CDKAL1: variants seen among roughly 807,000 people sequenced by gnomAD.
CDKAL1 encodes the protein CDKAL1 threonylcarbamoyladenosine tRNA methylthiotransferase.
A neutral mutation model predicts 68.2 loss-of-function variants in CDKAL1; 32 were observed. The observed-to-expected ratio is 0.47, with a 90% CI of 0.35 to 0.63. The LOEUF is 0.63. Ranked by LOEUF, CDKAL1 falls within the 30% of genes least tolerant of loss-of-function variation. CDKAL1 has a pLI of 0.00. For synonymous variants in CDKAL1, 234 were observed against 244.3 expected, an observed-to-expected ratio of 0.96 and a Z score of 0.39; for missense variants, 606 against 696.7, an observed-to-expected ratio of 0.87 and a Z score of 1.47.
chr6:21,072,600 T>G (rs1771847387), intron 12 of CDKAL1, among the ~76,000 whole-genome samples: 1 of 149,546 alleles, frequency 6.7e-6, no homozygotes, highest in African/African-American at 2.4e-5. Context: ...TGTCTTGTCT[T>G]TTATCTTCTA....
rs528186936 is a variant in CDKAL1, at chr6:20,995,660, G to A, written c.910-4567G>A. Among the ~76,000 whole-genome samples the A allele has an allele frequency of 8.4e-4, 128 of 152,220 alleles. 1 individual carries two copies. In the Middle Eastern group the frequency reaches 0.01, roughly 12 times the overall value. On this transcript the variant is annotated intron_variant, in intron 10 of 15. Transcript: ENST00000274695. The stretch of plus-strand genomic sequence containing the variant: ...ACACATGTGCTCTCACCAGGCTTTG[G>A]TGTTCCATTTATAGAGTACAGACAG...
chr6:20,717,339 A>G (rs1175157039), intron 5 of CDKAL1, among the ~76,000 whole-genome samples: 1 of 151,830 alleles, frequency 6.6e-6, no homozygotes, highest in East Asian at 1.9e-4. Context: ...TCCATTATAG[A>G]GGAAAAAAGC....
At chr6:20,592,357 C>T (rs1413649953) in intron 4 of CDKAL1, among the ~76,000 whole-genome samples, 4 of 152,022 alleles carry the variant, frequency 2.6e-5, no homozygotes, top group Non-Finnish European at 4.4e-5. Context: ...ATTTCTTTCT[C>T]TTGGCTGATT....
intron 9 of CDKAL1, among the ~76,000 whole-genome samples, chr6:20,886,285 A>T (rs1419161956): frequency 6.6e-6 from 1 of 152,222 alleles, no homozygotes; most frequent in Non-Finnish European, 1.5e-5. Context: ...TGCTGTGAAT[A>T]GTAGCAATGT....
intron 10 of CDKAL1, among the ~76,000 whole-genome samples, chr6:20,987,582 T>A (rs77138122): frequency 0.089 from 13,605 of 152,154 alleles, 1,001 homozygotes; most frequent in African/African-American, 0.21. Context: ...CTTTAAAAAT[T>A]GAACTCTACT....
At chr6:21,007,510 G>GTT (rs1767797385) in intron 11 of CDKAL1, among the ~76,000 whole-genome samples, 3 of 119,416 alleles carry the variant, frequency 2.5e-5, no homozygotes, top group Admixed American at 1.8e-4. Flanking sequence ...AAAAAAAAAA[G>GTT]CCCACAATGA....
At chr6:20,635,608 A>C (rs1366854132) in intron 4 of CDKAL1, among the ~76,000 whole-genome samples, 6 of 152,168 alleles carry the variant, frequency 3.9e-5, no homozygotes, top group Admixed American at 2.6e-4. Flanking sequence ...AAAAAGTTTC[A>C]GATTTTGGAG....
intron 5 of CDKAL1, among the ~76,000 whole-genome samples, chr6:20,679,723 A>G (rs1379081373): frequency 6.6e-6 from 1 of 152,170 alleles, no homozygotes; most frequent in African/African-American, 2.4e-5. Context: ...GTTGCATTAT[A>G]TTTTGTTTTA....
At chr6:20,859,495 G>A (rs528955027) in intron 9 of CDKAL1, among the ~76,000 whole-genome samples, 62 of 152,168 alleles carry the variant, frequency 4.1e-4, no homozygotes, top group South Asian at 8.3e-4. Flanking sequence ...GGAACATGAA[G>A]CCTACAGAGA....
intron 11 of CDKAL1, among the ~76,000 whole-genome samples, chr6:21,046,087 G>C (rs201330): frequency 0.11 from 16,626 of 152,198 alleles, 1,152 homozygotes; most frequent in Middle Eastern, 0.16. Context: ...GTAAACTGAG[G>C]AAAATATTGC....
chr6:20,757,702 G>A (rs916558947), intron 6 of CDKAL1, among the ~76,000 whole-genome samples: 2 of 152,148 alleles, frequency 1.3e-5, no homozygotes, highest in African/African-American at 2.4e-5. Flanking sequence ...TGGAAATACA[G>A]CATGAAAGAT....
intron 5 of CDKAL1, among the ~76,000 whole-genome samples, chr6:20,657,366 A>T (rs1026822222): frequency 4.6e-5 from 7 of 152,312 alleles, no homozygotes; most frequent in Admixed American, 1.3e-4. Flanking sequence ...GATTTACAGC[A>T]GTGGGGTGGG....
intron 13 of CDKAL1, among the ~76,000 whole-genome samples, chr6:21,133,719 G>A (rs1474520038): frequency 6.6e-6 from 1 of 152,136 alleles, no homozygotes; most frequent in Non-Finnish European, 1.5e-5. Flanking sequence ...CAGTCATAAT[G>A]TATGCAAGGT....
At chr6:20,826,307 T>C (rs761214781) in intron 8 of CDKAL1, among the ~76,000 whole-genome samples, 7 of 152,196 alleles carry the variant, frequency 4.6e-5, no homozygotes, top group Non-Finnish European at 7.4e-5. Context: ...CCTCCCTAAA[T>C]ATAGTATTTC....
At chr6:20,536,953 T>C (rs1361963457) in intron 2 of CDKAL1, among the ~76,000 whole-genome samples, 2 of 152,234 alleles carry the variant, frequency 1.3e-5, no homozygotes, top group African/African-American at 4.8e-5. Context: ...CTGGAAAGTT[T>C]TTAAAAGATA....
chr6:20,953,953 A>G (rs978282953), intron 9 of CDKAL1, among the ~76,000 whole-genome samples: 9 of 152,042 alleles, frequency 5.9e-5, no homozygotes, highest in African/African-American at 2.2e-4. Flanking sequence ...TCTTTTTTCT[A>G]TGTATTCTGT....
chr6:20,738,489 T>G (rs1003902956), intron 5 of CDKAL1, among the ~76,000 whole-genome samples: 1 of 147,962 alleles, frequency 6.8e-6, no homozygotes, highest in Non-Finnish European at 1.5e-5. Context: ...TTCTTAGTTT[T>G]TTTTTTTTTT....
chr6:20,930,518 A>G (rs544858818), intron 9 of CDKAL1, among the ~76,000 whole-genome samples: 52 of 152,272 alleles, frequency 3.4e-4, no homozygotes, highest in African/African-American at 1.2e-3. Flanking sequence ...TAGTAAACAT[A>G]ATGTCATTTC....
At chr6:21,037,490 T>A (rs1254774631) in intron 11 of CDKAL1, among the ~76,000 whole-genome samples, 1 of 152,182 alleles carries the variant, frequency 6.6e-6, no homozygotes, top group Non-Finnish European at 1.5e-5. Context: ...ATTTCTTAAG[T>A]TCTATCAGTT....
Sources: gnomAD v4.1 joint callset for allele counts (sites outside exome capture counted in the v4.1 genomes callset) on GRCh38, gnomAD v4.1.1 for gene constraint, MANE v1.5 for transcripts, NCBI Gene and HGNC (gene_info 2026-07-23, HGNC 2026-07-21) for gene names.